The following MAP3K5 variants were observed in gnomAD, a reference collection of about 807,000 sequenced individuals.
MAP3K5 encodes the protein ASK-1.
In MAP3K5, 56 loss-of-function variants were observed where a neutral mutation model predicts 158.7. The observed-to-expected ratio is 0.35, with a 90% CI of 0.28 to 0.44. MAP3K5 has a LOEUF of 0.44. MAP3K5 is among the 20% of genes least tolerant of loss of function. The probability of loss-of-function intolerance (pLI) is 1.00; values close to 1 mark genes in which losing one functional copy is unlikely to be tolerated. For missense variants in MAP3K5, 1,294 were observed against 1,674.8 expected, an observed-to-expected ratio of 0.77 and a Z score of 3.97; for synonymous variants, 579 against 601.7, an observed-to-expected ratio of 0.96 and a Z score of 0.55.
At chr6:136,567,964 C>T (rs899638791) in intron 25 of MAP3K5, 90 bp from the exon 26 acceptor site, 22 of 1,348,064 alleles carry the variant, frequency 1.6e-5, no homozygotes, top group African/African-American at 5.8e-5. Flanking sequence ...CCTGCCCCAC[C>T]GTCAATAAGA....
intron 21 of MAP3K5, among the ~76,000 whole-genome samples, chr6:136,595,978 C>T (rs939602494): frequency 1.3e-5 from 2 of 152,106 alleles, no homozygotes; most frequent in Admixed American, 6.5e-5. Flanking sequence ...CCACTGCACT[C>T]CAGCCGCCAG....
intron 1 of MAP3K5, among the ~76,000 whole-genome samples, chr6:136,765,096 A>C (rs950452312): frequency 6.6e-6 from 1 of 152,196 alleles, no homozygotes; most frequent in African/African-American, 2.4e-5. Context: ...CCCCAATCAA[A>C]TGTATAAGAC....
chr6:136,665,276 G>C (rs903371327), intron 8 of MAP3K5, among the ~76,000 whole-genome samples: 4 of 151,596 alleles, frequency 2.6e-5, no homozygotes, highest in African/African-American at 9.7e-5. Context: ...AACTATAATA[G>C]TGTACTTTTG....
intron 14 of MAP3K5, among the ~76,000 whole-genome samples, chr6:136,633,260 A>G (rs1777458754): frequency 6.6e-6 from 1 of 151,938 alleles, no homozygotes; most frequent in African/African-American, 2.4e-5. Flanking sequence ...TTAGCTGGGC[A>G]TGATGGTGGG....
Position 136,580,294 on chromosome 6 carries a change from C to T in MAP3K5, c.3517+7G>A, listed in dbSNP as rs149327715. 2 of 1,585,408 alleles carry T rather than the reference C, an allele frequency of 1.3e-6. No homozygotes were observed. The highest frequency in any genetic ancestry group is 1.3e-5 in the African/African-American group (1 of 74,410). On this transcript the variant is annotated splice_region_variant and intron_variant, in intron 25 of 29. Transcript: ENST00000359015. ...AAATATGTGCAGAGTAATTAAATAT[C>T]TCTGACCTGGAACCAGGATGGTAAT...
chr6:136,757,818 C>T (rs1310843370), intron 1 of MAP3K5, among the ~76,000 whole-genome samples: 1 of 152,092 alleles, frequency 6.6e-6, no homozygotes, highest in Non-Finnish European at 1.5e-5. Flanking sequence ...CTCCTGATCT[C>T]AGATGATCCA....
chr6:136,781,590 C>T (rs950349193), intron 1 of MAP3K5, among the ~76,000 whole-genome samples: 1 of 152,190 alleles, frequency 6.6e-6, no homozygotes, highest in Admixed American at 6.5e-5. Context: ...AATCTGGCCG[C>T]TCTCATAGCC....
chr6:136,637,221 G>GA, intron 14 of MAP3K5, 104 bp downstream of exon 14: 1 of 1,242,842 alleles, frequency 8.0e-7, no homozygotes, highest in Non-Finnish European at 1.1e-6. Flanking sequence ...AAAGCCTACA[G>GA]ACAGTCTCCT....
intron 7 of MAP3K5, among the ~76,000 whole-genome samples, chr6:136,690,309 T>C (rs954161921): frequency 2.6e-5 from 4 of 152,156 alleles, no homozygotes; most frequent in African/African-American, 9.7e-5. Flanking sequence ...TGCTCAACTT[T>C]TTTAAAGTTT....
At chr6:136,621,495 C>T (rs1776799931) in intron 15 of MAP3K5, among the ~76,000 whole-genome samples, 1 of 152,126 alleles carries the variant, frequency 6.6e-6, no homozygotes, top group South Asian at 2.1e-4. Flanking sequence ...GAAAGGTGGA[C>T]ATGATATCCT....
chr6:136,559,170 G>A (rs980091008), intron 28 of MAP3K5, among the ~76,000 whole-genome samples: 3 of 152,142 alleles, frequency 2.0e-5, no homozygotes, highest in Non-Finnish European at 4.4e-5. Context: ...GGCCAAAGTG[G>A]TGAAACCCCA....
chr6:136,657,258 A>T (rs1410210887), intron 9 of MAP3K5, among the ~76,000 whole-genome samples: 1 of 152,186 alleles, frequency 6.6e-6, no homozygotes, highest in Non-Finnish European at 1.5e-5. Flanking sequence ...AGTTAGGAAA[A>T]ATGAGGAGTG....
intron 14 of MAP3K5, among the ~76,000 whole-genome samples, chr6:136,625,004 A>T (rs146923223): frequency 2.0e-5 from 3 of 152,356 alleles, no homozygotes; most frequent in Non-Finnish European, 4.4e-5. Context: ...GGCTTACTAA[A>T]GAGTAAAGGT....
intron 10 of MAP3K5, 34 bp from the exon 11 acceptor site, chr6:136,651,125 T>C: frequency 8.3e-7 from 1 of 1,205,102 alleles, no homozygotes; most frequent in South Asian, 1.3e-5. Flanking sequence ...CTAATATCAG[T>C]GACTTAAGAC....
upstream of MAP3K5, among the ~76,000 whole-genome samples, chr6:136,792,757 T>C (rs907963797): frequency 2.0e-5 from 3 of 152,162 alleles, no homozygotes; most frequent in Non-Finnish European, 2.9e-5. The surrounding 1 kb of genome is among the most constrained non-coding windows in gnomAD (Gnocchi z 5.7). Context: ...GATTTCCTCC[T>C]CCTTGCCTGG....
At chr6:136,667,086 A>G (rs562057204) in intron 8 of MAP3K5, among the ~76,000 whole-genome samples, 5 of 152,198 alleles carry the variant, frequency 3.3e-5, no homozygotes, top group Non-Finnish European at 7.4e-5. Context: ...TTTTCAAACC[A>G]TTGTCATTGC....
intron 1 of MAP3K5, among the ~76,000 whole-genome samples, chr6:136,765,507 CTTTTTTTA>C (rs368476389): frequency 0.047 from 7,149 of 150,876 alleles, 235 homozygotes; most frequent in African/African-American, 0.097. Context: ...TTATTTTTAT[CTTTTTTTA>C]TTTTTTTATT....
chr6:136,765,515 A>AT (rs1352220333), intron 1 of MAP3K5, among the ~76,000 whole-genome samples: 2 of 135,920 alleles, frequency 1.5e-5, no homozygotes, highest in Admixed American at 1.4e-4. Context: ...ATCTTTTTTT[A>AT]TTTTTTTATT....
chr6:136,557,701 A>G lies in MAP3K5; in HGVS notation c.*57T>C. ...TCCCTTCGATTTTCCCACCCCCAAG[A>G]AGATCAGCTCTGTATTAATTTTTAG... On this transcript the variant is annotated 3_prime_UTR_variant, in exon 30 of 30. Transcript: ENST00000359015. 7.9e-7 allele frequency: 1 copy of G among 1,272,432 alleles called. No homozygotes were observed. Among genetic ancestry groups the G allele is most frequent in the Non-Finnish European group, 1.2e-6 (1 of 868,910 alleles). 78.8% of individuals were successfully genotyped at this position (1,272,432 alleles called of 1,614,324 possible). A position where few individuals can be genotyped will look rare whatever the true frequency, so the allele number is the denominator to read the frequency against.
Sources: allele counts gnomAD v4.1 joint callset (sites outside exome capture counted in the v4.1 genomes callset), GRCh38; gene constraint gnomAD v4.1.1; non-coding constraint Gnocchi (gnomAD v3.1); transcripts MANE v1.5; gene names NCBI Gene and HGNC (gene_info 2026-07-23, HGNC 2026-07-21).